The following TTC3 variants were observed in gnomAD, a reference collection of about 807,000 sequenced individuals.
The protein encoded by TTC3 is tetratricopeptide repeat domain 3.
In TTC3, 180 loss-of-function variants were observed where a neutral mutation model predicts 249.6. That is an observed-to-expected ratio of 0.72 (90% CI 0.64 to 0.82). The LOEUF is 0.82. Among genes scored for constraint, TTC3 ranks in the 40% least tolerant of loss-of-function variants. TTC3 has a pLI of 0.00. For synonymous variants in TTC3, 717 were observed against 805.0 expected (o/e 0.89, Z 1.85); for missense variants, 2,061 against 2,398.4 (o/e 0.86, Z 2.94).
intron 10 of TTC3, among the ~76,000 whole-genome samples, chr21:37,103,367 C>T (rs936169816): frequency 2.0e-5 from 3 of 152,068 alleles, no homozygotes; most frequent in African/African-American, 2.4e-5. Flanking sequence ...AGTAAATAAC[C>T]GTTTGCATCT....
rs138862573 is a variant in TTC3 at position 37,190,130 on chromosome 21, CTTTTTTTTTTTT to C, written c.5025-1186_5025-1175del. On this transcript the variant is annotated intron_variant, in intron 39 of 45. Coordinates refer to ENST00000355666, the Ensembl canonical transcript of TTC3. The stretch of plus-strand genomic sequence containing the variant: ...TTTTAGTGTATAGTTCTTTTTCTTT[CTTTTTTTTTTTT>C]TTTTTTTTTTTTTTTTTGAGATGGT... Among the ~76,000 whole-genome samples the C allele has an allele frequency of 3.0e-3, 194 of 65,060 alleles. 3 individuals are homozygous for C. The highest frequency in any genetic ancestry group is 8.7e-3 in the African/African-American group (153 of 17,668). 42.7% of individuals were successfully genotyped at this position (65,060 alleles called of 152,430 possible). A position where few individuals can be genotyped will look rare whatever the true frequency, so the allele number is the denominator to read the frequency against.
chr21:37,129,392 A>C (rs904288188), intron 16 of TTC3, among the ~76,000 whole-genome samples: 1 of 152,136 alleles, frequency 6.6e-6, no homozygotes, highest in Non-Finnish European at 1.5e-5. Context: ...TTCCCTGCTC[A>C]CCTCATTTGA....
intron 38 of TTC3, 29 bp downstream of exon 38, chr21:37,187,174 T>A: frequency 2.0e-6 from 3 of 1,484,108 alleles, no homozygotes; most frequent in Non-Finnish European, 2.7e-6. Flanking sequence ...GTGACCACTA[T>A]GGCATTTGTC....
At chr21:37,108,536 G>T in intron 11 of TTC3, 90 bp downstream of exon 11, 2 of 1,278,616 alleles carry the variant, frequency 1.6e-6, no homozygotes, top group South Asian at 1.3e-5. Flanking sequence ...TCATAAAAAT[G>T]CTATATGAAA....
At chr21:37,163,252 AG>A (rs2080938199) in intron 31 of TTC3, among the ~76,000 whole-genome samples, 1 of 152,208 alleles carries the variant, frequency 6.6e-6, no homozygotes, top group African/African-American at 2.4e-5. Flanking sequence ...AAGAACACAA[AG>A]CTTATAAATA....
intron 28 of TTC3, chr21:37,157,313 T>C (rs759329649): frequency 1.4e-6 from 1 of 697,218 alleles, no homozygotes; most frequent in South Asian, 1.6e-5. Context: ...GATGTTTTAA[T>C]GGGAAGAGCC....
chr21:37,199,528 G>A (rs1022526535), intron 44 of TTC3, among the ~76,000 whole-genome samples: 2 of 152,182 alleles, frequency 1.3e-5, no homozygotes, highest in African/African-American at 4.8e-5. Context: ...TCATCTCTGC[G>A]TCCAGCACCC....
exon 28 of TTC3, chr21:37,156,795 T>C: frequency 1.2e-6 from 2 of 1,614,136 alleles, no homozygotes; most frequent in Non-Finnish European, 1.7e-6. Context: ...TGATTATTTC[T>C]CTGAGCCAGC....
intron 1 of TTC3, among the ~76,000 whole-genome samples, chr21:37,074,621 G>A (rs1025765689): frequency 1.3e-5 from 2 of 151,974 alleles, no homozygotes; most frequent in Non-Finnish European, 2.9e-5. Context: ...TCCGGAGAGA[G>A]CCTTTTCCTT....
At chr21:37,157,228 T>C in intron 28 of TTC3, 1 of 1,297,992 alleles carries the variant, frequency 7.7e-7, no homozygotes, top group South Asian at 1.2e-5. Context: ...AGTGGTTTGA[T>C]TTATAGCATT....
At chr21:37,158,959 C>T (rs1327602006) in intron 28 of TTC3, among the ~76,000 whole-genome samples, 1 of 152,124 alleles carries the variant, frequency 6.6e-6, no homozygotes, top group Non-Finnish European at 1.5e-5. Context: ...TCCCATTTTC[C>T]GTCTTCCTCT....
chr21:37,197,358 A>G (rs1333326771), intron 42 of TTC3, among the ~76,000 whole-genome samples: 1 of 152,002 alleles, frequency 6.6e-6, no homozygotes, highest in African/African-American at 2.4e-5. Flanking sequence ...ACTGCCCTCC[A>G]GCCTGGGCAA....
In TTC3 at chr21:37,154,734, T is replaced by C. The variant is rs546975705; in HGVS notation, c.2740+1457T>C. ...TTTTTGAGACAGAGTGTCGCTCTGT[T>C]GCCCAGGCTGGAGTGCAGCGGCGCG... On this transcript the variant is annotated intron_variant, in intron 27 of 45. Transcript: ENST00000355666. 1.3e-3 allele frequency among the ~76,000 whole-genome samples: 193 copies of C among 152,282 alleles called. 1 individual carries two copies. Among genetic ancestry groups the C allele is most frequent in the South Asian group, 5.8e-3 (28 of 4,826 alleles).
intron 25 of TTC3, 43 bp from the exon 26 acceptor site, chr21:37,151,850 A>G: frequency 6.6e-7 from 1 of 1,520,762 alleles, no homozygotes; most frequent in Non-Finnish European, 8.8e-7. Context: ...TAGTCAAAGG[A>G]AAACAGTTCA....
rs200452449 is a variant in TTC3, at chr21:37,087,288, G to A, written c.31G>A (p.Val11Met). Residue 11 changes from valine to methionine, a missense_variant, in exon 2 of 46, where the codon GTG becomes ATG. Physicochemically the swap from Val to Met is conservative, Grantham distance 21. Coordinates refer to ENST00000355666, the Ensembl canonical transcript of TTC3. ...CAATTTTGCTGAGGGAGATTTCACT[G>A]TGGCGGATTATGCCTTGTTAGAAGA... 9.2e-5 allele frequency: 148 copies of A among 1,613,976 alleles called. No homozygotes were observed. Among genetic ancestry groups the A allele is most frequent in the Non-Finnish European group, 1.2e-4 (145 of 1,180,002 alleles).
At chr21:37,180,616 G>C (rs1376960378) in intron 35 of TTC3, among the ~76,000 whole-genome samples, 36 of 112,248 alleles carry the variant, frequency 3.2e-4, no homozygotes, top group African/African-American at 1.2e-3. Context: ...GTTGTGGGGT[G>C]GGGGGAGGGG....
chr21:37,193,365 G>GGA (rs1555917271), intron 41 of TTC3, among the ~76,000 whole-genome samples: 1 of 149,550 alleles, frequency 6.7e-6, no homozygotes, highest in African/African-American at 2.5e-5. Context: ...GAATTCATCT[G>GGA]AAAAAAAAAA....
exon 36 of TTC3, chr21:37,182,846 A>C: frequency 6.3e-7 from 1 of 1,597,220 alleles, no homozygotes; most frequent in South Asian, 1.2e-5. Flanking sequence ...ACAGGAAAAA[A>C]AAGAAATCCA....
At chr21:37,087,436 T>C (rs2072648851) in intron 2 of TTC3, 35 bp downstream of exon 2, 1 of 1,610,986 alleles carries the variant, frequency 6.2e-7, no homozygotes. Context: ...TTTTTGACAT[T>C]GTGTATTGAA....
Sources: allele counts gnomAD v4.1 joint callset (sites outside exome capture counted in the v4.1 genomes callset), GRCh38; gene constraint gnomAD v4.1.1; transcripts MANE v1.5; gene names NCBI Gene and HGNC (gene_info 2026-07-23, HGNC 2026-07-21).